Variants in GRM7 observed in about 807,000 individuals in gnomAD.
The protein encoded by GRM7 is glutamate metabotropic receptor 7, also known as metabotropic glutamate receptor 7.
A neutral mutation model predicts 84.5 loss-of-function variants in GRM7; 35 were observed. The observed-to-expected ratio is 0.41, with a 90% confidence interval of 0.32 to 0.55. The LOEUF (loss-of-function observed/expected upper bound fraction) is 0.55. Among genes scored for constraint, GRM7 ranks in the 20% least tolerant of loss-of-function variants. The probability of loss-of-function intolerance (pLI) is 0.19; values close to 1 mark genes in which losing one functional copy is unlikely to be tolerated. For synonymous variants in GRM7, 487 were observed against 455.1 expected (o/e 1.07, Z -0.89); for missense variants, 1,003 against 1,194.6 (o/e 0.84, Z 2.36).
intron 2 of GRM7, among the ~76,000 whole-genome samples, chr3:7,270,504 A>G (rs1337644210): frequency 7.2e-5 from 11 of 151,978 alleles, no homozygotes; most frequent in Admixed American, 7.2e-4. Context: ...TTGAATTATT[A>G]TTATTTTTTC....
intron 1 of GRM7, among the ~76,000 whole-genome samples, chr3:7,057,592 T>TA (rs924797084): frequency 9.9e-5 from 15 of 151,938 alleles, no homozygotes; most frequent in East Asian, 3.9e-4. Context: ...GTTTAAAAAA[T>TA]AAAAAAAATC....
chr3:7,201,216 G>A (rs1201375748), intron 2 of GRM7, among the ~76,000 whole-genome samples: 3 of 151,842 alleles, frequency 2.0e-5, no homozygotes, highest in East Asian at 1.9e-4. Context: ...TGATCTGCCC[G>A]CCTCGGCCTC....
At chr3:7,459,589 G>A (rs1363308276) in intron 6 of GRM7, among the ~76,000 whole-genome samples, 1 of 152,130 alleles carries the variant, frequency 6.6e-6, no homozygotes, top group African/African-American at 2.4e-5. Flanking sequence ...TGAGAGCCAA[G>A]TGAAAGGGGA....
At chr3:7,695,062 A>G (rs1700966738) in intron 9 of GRM7, among the ~76,000 whole-genome samples, 1 of 152,162 alleles carries the variant, frequency 6.6e-6, no homozygotes, top group South Asian at 2.1e-4. Flanking sequence ...TGGTATTAAA[A>G]TGATTGATTT....
chr3:7,271,865 T>C (rs1488850222), intron 2 of GRM7, among the ~76,000 whole-genome samples: 1 of 152,200 alleles, frequency 6.6e-6, no homozygotes, highest in African/African-American at 2.4e-5. Flanking sequence ...TGTGTTGCAC[T>C]CTTGACAGCT....
chr3:6,950,510 C>T (rs191598678), intron 1 of GRM7, among the ~76,000 whole-genome samples: 100 of 152,304 alleles, frequency 6.6e-4, no homozygotes, highest in Middle Eastern at 3.4e-3. Flanking sequence ...GTCAGGGACC[C>T]GCTTGAGGAG....
At chr3:7,099,808 G>C (rs12634178) in intron 1 of GRM7, among the ~76,000 whole-genome samples, 2 of 110,436 alleles carry the variant, frequency 1.8e-5, no homozygotes, top group African/African-American at 9.8e-5. Context: ...ATATGTACAC[G>C]CATTATACAT....
intron 7 of GRM7, among the ~76,000 whole-genome samples, chr3:7,462,356 G>A (rs1698283407): frequency 6.6e-6 from 1 of 152,060 alleles, no homozygotes; most frequent in Non-Finnish European, 1.5e-5. Context: ...TCCACATTGG[G>A]GAGGGCAATT....
chr3:7,400,542 G>C (rs574966497), intron 4 of GRM7, among the ~76,000 whole-genome samples: 1 of 152,238 alleles, frequency 6.6e-6, no homozygotes, highest in East Asian at 1.9e-4. Context: ...GGAAACACAA[G>C]TGATACAACC....
chr3:7,120,073 A>T (rs1172439436), intron 1 of GRM7, among the ~76,000 whole-genome samples: 1 of 152,122 alleles, frequency 6.6e-6, no homozygotes, highest in Non-Finnish European at 1.5e-5. Context: ...AAGCACAAAA[A>T]GTCTCAGAAT....
At chr3:6,882,715 G>A (rs545045252) in intron 1 of GRM7, among the ~76,000 whole-genome samples, 103 of 152,086 alleles carry the variant, frequency 6.8e-4, no homozygotes, top group African/African-American at 2.3e-3. Context: ...AAAATGTTTT[G>A]TATCTTTTTT....
At chr3:7,548,630 G>C (rs893509714) in intron 7 of GRM7, among the ~76,000 whole-genome samples, 4 of 152,202 alleles carry the variant, frequency 2.6e-5, no homozygotes, top group Non-Finnish European at 5.9e-5. Flanking sequence ...AGAGCCATCT[G>C]TTACACCATC....
intron 2 of GRM7, among the ~76,000 whole-genome samples, chr3:7,264,827 C>A (rs1361147269): frequency 6.6e-6 from 1 of 151,698 alleles, no homozygotes; most frequent in Admixed American, 6.6e-5. Context: ...AAAGACTACA[C>A]CAGAGTTACC....
chr3:7,532,832 G>T (rs1575462110), intron 7 of GRM7, among the ~76,000 whole-genome samples: 1 of 138,484 alleles, frequency 7.2e-6, no homozygotes, highest in East Asian at 2.1e-4. Context: ...AGCAGGGGTT[G>T]CCATCCTAGT....
At chr3:7,027,166 T>C (rs1213166611) in intron 1 of GRM7, among the ~76,000 whole-genome samples, 1 of 152,228 alleles carries the variant, frequency 6.6e-6, no homozygotes, top group Non-Finnish European at 1.5e-5. Context: ...CCAGTCTTTT[T>C]CCAGGTACCC....
chr3:7,461,501 C>G (rs1370292045), intron 6 of GRM7, 82 bp from the exon 7 acceptor site: 19 of 1,193,964 alleles, frequency 1.6e-5, no homozygotes, highest in Non-Finnish European at 2.1e-5. Context: ...CTCGTTAAGT[C>G]TCTAGCCTGT....
At chr3:7,364,918 C>T (rs1693815506) in intron 4 of GRM7, among the ~76,000 whole-genome samples, 2 of 151,886 alleles carry the variant, frequency 1.3e-5, no homozygotes, top group Non-Finnish European at 2.9e-5. Flanking sequence ...ATCCTACTCA[C>T]TTACCTGGTT....
intron 4 of GRM7, among the ~76,000 whole-genome samples, chr3:7,382,320 G>T (rs1251504674): frequency 6.6e-6 from 1 of 152,110 alleles, no homozygotes; most frequent in Non-Finnish European, 1.5e-5. Context: ...GAAGCATGAA[G>T]ATTTTGTATC....
chr3:7,503,231 C>T (rs1699936656), intron 7 of GRM7, among the ~76,000 whole-genome samples: 1 of 152,186 alleles, frequency 6.6e-6, no homozygotes, highest in African/African-American at 2.4e-5. Context: ...ATTAAAAATT[C>T]CTGATAAAAG....
Sources: gnomAD v4.1 joint callset for allele counts (sites outside exome capture counted in the v4.1 genomes callset) on GRCh38, gnomAD v4.1.1 for gene constraint, MANE v1.5 for transcripts, NCBI Gene and HGNC (gene_info 2026-07-23, HGNC 2026-07-21) for gene names.